Variants in MAP1S observed in about 807,000 individuals in gnomAD.
MAP1S encodes the protein microtubule associated protein 1S, also known as microtubule-associated protein 1S.
MAP1S carries 27 observed loss-of-function variants against 60.9 expected under a neutral mutation model. That is an observed-to-expected ratio of 0.44 (90% confidence interval 0.33 to 0.61). The LOEUF is 0.61. Ranked by LOEUF, MAP1S falls within the 20% of genes least tolerant of loss-of-function variation. MAP1S has a pLI of 0.03. For synonymous variants in MAP1S, 826 were observed against 694.2 expected, an observed-to-expected ratio of 1.19 and a Z score of -2.98; for missense variants, 1,608 against 1,486.6, an observed-to-expected ratio of 1.08 and a Z score of -1.34.
chr19:17,726,649 G>A lies in MAP1S; in HGVS notation c.1265G>A (p.Gly422Asp), dbSNP rs772244902. The A allele has an allele frequency of 5.1e-6, 8 of 1,577,024 alleles. No individual in the cohort carries two copies. The highest frequency in any genetic ancestry group is 1.1e-5 in the South Asian group (1 of 87,406). ...GCCCTGCTGGTGTGGCACCCCGCCG[G>A]CCCCGGCGAGAAGGTGGTGCGCGTG... ...VCALLVWHPA[G>D]PGEKVVRVLF... The change falls in exon 5 of 7, where the codon GGC (glycine) becomes GAC (aspartate). Residue 422 changes from glycine to aspartate, a missense_variant. Coordinates refer to ENST00000324096, the MANE Select transcript of MAP1S (RefSeq NM_018174.6).
At chr19:17,719,909 T>G in intron 1 of MAP1S, 1 of 169,540 alleles carries the variant, frequency 5.9e-6, no homozygotes, top group Non-Finnish European at 1.2e-5. Flanking sequence ...GGCCTGGGCT[T>G]GGGGACCCTT....
In MAP1S at chr19:17,726,655, G is replaced by C. The variant is rs2080427466; in HGVS notation, c.1271G>C (p.Gly424Ala). The C allele has an allele frequency of 6.3e-7, 1 of 1,579,648 alleles. No individual in the cohort carries two copies. The highest frequency in any genetic ancestry group is 2.3e-5 in the East Asian group (1 of 43,118). The change falls in exon 5 of 7, where the codon GGC becomes GCC. Residue 424 changes from glycine to alanine, a missense_variant. Physicochemically the swap from Gly to Ala is moderately conservative, Grantham distance 60. Transcript: ENST00000324096. ...CTGGTGTGGCACCCCGCCGGCCCCG[G>C]CGAGAAGGTGGTGCGCGTGCTGTTC... is the stretch of plus-strand genomic sequence containing the variant. The part of the protein sequence containing the change: ...ALLVWHPAGP[G>A]EKVVRVLFPG...
rs2080454548 is a variant in MAP1S at position 17,727,823 on chromosome 19, A to G, written c.2439A>G (p.Thr813=). 1.1e-5 allele frequency: 18 copies of G among 1,613,450 alleles called. No individual in the cohort carries two copies. Among genetic ancestry groups the G allele is most frequent in the East Asian group, 6.7e-5 (3 of 44,854 alleles). ...APGAADSDED[T]EGFGVPRHDP... is the part of the protein sequence containing the mutation. ...GTGCGGCAGACTCAGACGAAGACAC[A>G]GAGGGCTTTGGAGTCCCTCGCCACG... is the stretch of plus-strand genomic sequence containing the variant. The change falls in exon 5 of 7, where the codon ACA becomes ACG. Residue 813 remains threonine (T), a synonymous_variant. Coordinates refer to ENST00000324096, the MANE Select transcript of MAP1S (RefSeq NM_018174.6). This position sits in a 1 kb window ranked among gnomAD's most constrained non-coding sequence, Gnocchi z 4.1.
rs1244112200 is a variant in MAP1S, at chr19:17,727,714, T to C, written c.2330T>C (p.Leu777Pro). 1.2e-6 allele frequency: 2 copies of C among 1,607,804 alleles called. No homozygotes were observed. The highest frequency in any genetic ancestry group is 1.1e-5 in the South Asian group (1 of 90,682). ...CGGTCACAGGAACGGGCAGGTGGGC[T>C]GGGGGCCGAGGAGACGCCACCCACA... is the stretch of plus-strand genomic sequence containing the variant. ...SARSQERAGG[L>P]GAEETPPTSV... The change falls in exon 5 of 7, where the codon CTG becomes CCG. Residue 777 changes from leucine (L) to proline (P), a missense_variant. Around this residue, in one of 4 missense-constraint regions of MAP1S, gnomAD observed 1,167 missense variants for 961.4 expected, o/e 1.21. Transcript: ENST00000324096. This position sits in a 1 kb window ranked among gnomAD's most constrained non-coding sequence, Gnocchi z 4.1.
In MAP1S at chr19:17,727,291, C is replaced by G. The variant is rs1224031224; in HGVS notation, c.1907C>G (p.Pro636Arg). 2 of 1,589,322 alleles carry G rather than the reference C, an allele frequency of 1.3e-6. No individual in the cohort carries two copies. The highest frequency in any genetic ancestry group is 1.7e-5 in the Admixed American group (1 of 57,724). Residue 636 changes from proline (P) to arginine (R), a missense_variant, in exon 5 of 7, where the codon CCA becomes CGA. Pro to Arg is a moderately radical substitution (Grantham distance 103). Transcript: ENST00000324096. This position sits in a 1 kb window ranked among gnomAD's most constrained non-coding sequence, Gnocchi z 4.1. ...TTGGCCGCCAGCTCAATCCCAAGGC[C>G]ACGCACACCCTCCCCTGAGTCCCAC... ...LPLAASSIPRPRTPSPESHRS... is the reference protein window; with the variant it reads ...LPLAASSIPRRRTPSPESHRS...
chr19:17,725,983 A>G lies in MAP1S; in HGVS notation c.599A>G (p.Gln200Arg), dbSNP rs770445658. 3.7e-6 allele frequency: 6 copies of G among 1,612,410 alleles called. No homozygotes were observed. Among genetic ancestry groups the G allele is most frequent in the African/African-American group, 2.7e-5 (2 of 74,980 alleles). ...RLQLRLNPPA[Q>R]LPNSEGLCEF... ...CAGCTGCGGCTGAACCCCCCGGCGCAGCTGCCCAACTCTGAGGGCCTGTGC... is the reference window on the plus strand; with the variant it reads ...CAGCTGCGGCTGAACCCCCCGGCGCGGCTGCCCAACTCTGAGGGCCTGTGC... The change falls in exon 5 of 7, where the codon CAG becomes CGG. Residue 200 changes from glutamine (Q) to arginine (R), a missense_variant. Gln to Arg is a conservative substitution (Grantham distance 43, BLOSUM62 1). Coordinates refer to ENST00000324096, the MANE Select transcript of MAP1S (RefSeq NM_018174.6). This position sits in a 1 kb window ranked among gnomAD's most constrained non-coding sequence, Gnocchi z 4.2.
At position 17,728,156 on chromosome 19, in the gene MAP1S, C is replaced by T. The variant is rs2080460821; in HGVS notation, c.2772C>T (p.Ala924=). ...LSRKSSTPKT[A]TRGPSGSASS... is the part of the protein sequence containing the mutation. ...GAAAGTCCTCAACCCCCAAGACTGC[C>T]ACTCGAGGCCCGTCGGGTGAGTACT... The change falls in exon 5 of 7, where the codon GCC becomes GCT. Residue 924 remains alanine (A), a synonymous_variant. Transcript: ENST00000324096. 2 of 1,594,260 alleles carry T rather than the reference C, an allele frequency of 1.3e-6. No individual in the cohort carries two copies. The highest frequency in any genetic ancestry group is 1.7e-6 in the Non-Finnish European group (2 of 1,167,438).
In MAP1S at chr19:17,726,584, G is replaced by A. The variant is rs538836331; in HGVS notation, c.1200G>A (p.Pro400=). 40 of 1,573,868 alleles carry A rather than the reference G, an allele frequency of 2.5e-5. 1 individual carries two copies. In the South Asian group the frequency reaches 3.9e-4, roughly 15 times the overall value. ...VGRLDMYVLH[P]PSAGAERTLA... ...GGCTGGACATGTATGTGCTGCACCC[G>A]CCCTCCGCCGGCGCCGAGCGCACGC... The change falls in exon 5 of 7, where the codon CCG becomes CCA. Residue 400 remains proline, a synonymous_variant. Coordinates refer to ENST00000324096, the MANE Select transcript of MAP1S (RefSeq NM_018174.6).
chr19:17,730,008 A>G (rs1317598327), intron 5 of MAP1S, among the ~76,000 whole-genome samples: 1 of 151,960 alleles, frequency 6.6e-6, no homozygotes, highest in East Asian at 1.9e-4. Context: ...GGGTCTCACT[A>G]TGTTGCCCTG....
At chr19:17,724,453 A>G (rs1466226912) in intron 3 of MAP1S, among the ~76,000 whole-genome samples, 1 of 152,156 alleles carries the variant, frequency 6.6e-6, no homozygotes, top group Non-Finnish European at 1.5e-5. Flanking sequence ...CTCAGGGCCC[A>G]GGACAGCGTG....
At chr19:17,733,522 G>T (rs2080512254) in intron 6 of MAP1S, 94 bp downstream of exon 6, 3 of 1,035,708 alleles carry the variant, frequency 2.9e-6, no homozygotes. Context: ...GTGTTCCCCA[G>T]GCCACACGGG....
intron 6 of MAP1S, 56 bp downstream of exon 6, chr19:17,733,484 AC>A: frequency 1.5e-6 from 2 of 1,363,080 alleles, no homozygotes; most frequent in Non-Finnish European, 9.8e-7. Flanking sequence ...GATGGGTAAA[AC>A]CACCCTCGAC....
intron 2 of MAP1S, among the ~76,000 whole-genome samples, chr19:17,722,079 G>C (rs113545989): frequency 0.026 from 3,907 of 152,288 alleles, 170 homozygotes; most frequent in African/African-American, 0.09. Context: ...CCTGTCTGCT[G>C]TGTGTGAACT....
In MAP1S at chr19:17,726,511, C is replaced by T. The variant is rs1412513133; in HGVS notation, c.1127C>T (p.Pro376Leu). Reference sequence around the variant, plus strand: ...ACGCCTCTGCCACTCAGCCGCGGCCCCGTGCCAGCCAAACCCACCGTGCTC... The same window carrying T: ...ACGCCTCTGCCACTCAGCCGCGGCCTCGTGCCAGCCAAACCCACCGTGCTC... ...GITPLPLSRGPVPAKPTVLFE... is the reference protein window; with the variant it reads ...GITPLPLSRGLVPAKPTVLFE... The change falls in exon 5 of 7, where the codon CCC becomes CTC. Residue 376 changes from proline to leucine, a missense_variant. By Grantham distance (98) the Pro-to-Leu change is moderately conservative. Transcript: ENST00000324096. 3 of 1,553,098 alleles carry T rather than the reference C, an allele frequency of 1.9e-6. No individual in the cohort carries two copies. The highest frequency in any genetic ancestry group is 2.6e-6 in the Non-Finnish European group (3 of 1,153,622).
Position 17,727,583 on chromosome 19 carries a change from C to T in MAP1S, c.2199C>T (p.His733=), listed in dbSNP as rs376601274. The T allele has an allele frequency of 5.0e-6, 8 of 1,607,128 alleles. No homozygotes were observed. In the African/African-American group the frequency reaches 8.0e-5, roughly 16 times the overall value. The change falls in exon 5 of 7, where the codon CAC becomes CAT. Residue 733 remains histidine, a synonymous_variant. Transcript: ENST00000324096. The surrounding 1 kb of genome is among the most constrained non-coding windows in gnomAD (Gnocchi z 4.1). The part of the protein sequence containing the change: ...GPRARRSASP[H]DVDLCLVSPC... ...GGGCGCGGCGCTCGGCTTCCCCACACGATGTGGACCTGTGCCTGGTGTCAC... is the reference window on the plus strand; with the variant it reads ...GGGCGCGGCGCTCGGCTTCCCCACATGATGTGGACCTGTGCCTGGTGTCAC...
At chr19:17,723,693 AC>A (rs1432336046) in intron 2 of MAP1S, among the ~76,000 whole-genome samples, 2 of 151,654 alleles carry the variant, frequency 1.3e-5, no homozygotes, top group Non-Finnish European at 2.9e-5. Context: ...TACTAAAAAT[AC>A]AAAAACTTAG....
At position 17,726,545 on chromosome 19, in the gene MAP1S, G is replaced by T. The variant is rs955712290; in HGVS notation, c.1161G>T (p.Lys387Asn). Reference protein sequence around the residue: ...VPAKPTVLFEKMGVGRLDMYV... With the variant: ...VPAKPTVLFENMGVGRLDMYV... Reference sequence around the variant, plus strand: ...CCAAACCCACCGTGCTCTTCGAGAAGATGGGCGTGGGCCGGCTGGACATGT... The same window carrying T: ...CCAAACCCACCGTGCTCTTCGAGAATATGGGCGTGGGCCGGCTGGACATGT... Residue 387 changes from lysine (K) to asparagine (N), a missense_variant, in exon 5 of 7, where the codon AAG becomes AAT. Around this residue, in one of 4 missense-constraint regions of MAP1S, gnomAD observed 1,167 missense variants for 961.4 expected, o/e 1.21. Coordinates refer to ENST00000324096, the MANE Select transcript of MAP1S (RefSeq NM_018174.6). The T allele has an allele frequency of 6.4e-7, 1 of 1,573,168 alleles. No individual in the cohort carries two copies. Among genetic ancestry groups the T allele is most frequent in the Non-Finnish European group, 8.6e-7 (1 of 1,164,222 alleles).
At chr19:17,722,146 C>G (rs897459058) in intron 2 of MAP1S, among the ~76,000 whole-genome samples, 4 of 152,128 alleles carry the variant, frequency 2.6e-5, no homozygotes, top group Admixed American at 2.6e-4. Flanking sequence ...GGGCAATATC[C>G]CTGTGTGGCA....
Position 17,720,062 on chromosome 19 carries a change from G to T in MAP1S, c.118+442G>T, listed in dbSNP as rs530176567. The T allele has an allele frequency of 7.7e-4, 823 of 1,065,080 alleles. 1 individual carries two copies. Among genetic ancestry groups the T allele is most frequent in the Non-Finnish European group, 8.9e-4 (767 of 866,574 alleles). The allele number at this position is 1,065,080 out of a possible 1,614,324, so 66.0% of individuals were successfully genotyped here. The stretch of plus-strand genomic sequence containing the variant: ...AGATATGGGGGAGGCTGGGCCTGGA[G>T]CCCCGGGGCCCGCTTTCTGTTGCCT... On this transcript the variant is annotated intron_variant, in intron 1 of 6. Coordinates refer to ENST00000324096, the MANE Select transcript of MAP1S (RefSeq NM_018174.6).
Sources: allele counts gnomAD v4.1 joint callset (sites outside exome capture counted in the v4.1 genomes callset), GRCh38; gene constraint gnomAD v4.1.1; regional missense constraint gnomAD v4.1.1; non-coding constraint Gnocchi (gnomAD v3.1); transcripts MANE v1.5; gene names NCBI Gene and HGNC (gene_info 2026-07-23, HGNC 2026-07-21).